Variants in NCAPG observed in about 807,000 individuals in gnomAD.
NCAPG encodes the protein non-SMC condensin I complex subunit G.
Under a neutral mutation model 113.1 loss-of-function variants are expected in NCAPG, and 69 were observed. The observed-to-expected ratio is 0.61, with a 90% CI of 0.50 to 0.75. The LOEUF is 0.75. Ranked by LOEUF, NCAPG falls within the 30% of genes least tolerant of loss-of-function variation. NCAPG has a pLI of 0.00. For synonymous variants in NCAPG, 370 were observed against 415.8 expected (o/e 0.89, Z 1.34); for missense variants, 1,058 against 1,177.0 (o/e 0.90, Z 1.48).
In NCAPG at chr4:17,843,825, A is replaced by G. The variant is rs1449282426; in HGVS notation, c.*400A>G. ...TCAACAAAGATGAAACCGCCTGAGG[A>G]CACATTTAACAAGTAACATTTCTAG... On this transcript the variant is annotated 3_prime_UTR_variant, in exon 21 of 21. Coordinates refer to ENST00000251496, the MANE Select transcript of NCAPG (RefSeq NM_022346.5). 6.5e-6 allele frequency: 1 copy of G among 154,646 alleles called. No homozygotes were observed. Among genetic ancestry groups the G allele is most frequent in the Non-Finnish European group, 1.4e-5 (1 of 69,494 alleles). 9.6% of individuals were successfully genotyped at this position (154,646 alleles called of 1,614,324 possible). A position where few individuals can be genotyped will look rare whatever the true frequency, so the allele number is the denominator to read the frequency against.
At chr4:17,842,602 T>TATC (rs1056181196) in intron 20 of NCAPG, 6 of 445,454 alleles carry the variant, frequency 1.3e-5, no homozygotes, top group African/African-American at 6.0e-5. Context: ...TCTTTAGTAC[T>TATC]ATCTTTAATA....
chr4:17,821,654 G>A (rs1421334083), intron 7 of NCAPG, among the ~76,000 whole-genome samples: 1 of 151,696 alleles, frequency 6.6e-6, no homozygotes, highest in Admixed American at 6.6e-5. Context: ...AGTAGAGATG[G>A]GGTTTTACCA....
At chr4:17,818,435 G>A (rs535141146) in intron 7 of NCAPG, among the ~76,000 whole-genome samples, 5 of 152,260 alleles carry the variant, frequency 3.3e-5, no homozygotes, top group East Asian at 3.9e-4. Flanking sequence ...GGGCCATACC[G>A]TCTGTCACAA....
At chr4:17,837,042 TA>T (rs1230731779) in intron 14 of NCAPG, 116 bp from the exon 15 acceptor site, 13 of 808,734 alleles carry the variant, frequency 1.6e-5, no homozygotes, top group African/African-American at 3.5e-5. Flanking sequence ...AAAGAATTTG[TA>T]ATAACTCGAA....
At position 17,828,181 on chromosome 4, in the gene NCAPG, G is replaced by C. The variant is rs116082646; in HGVS notation, c.1654-97G>C. 1,146 of 682,470 alleles carry C rather than the reference G, an allele frequency of 1.7e-3. 6 individuals carry two copies. The African/African-American group carries it at 0.017, about 10-fold the overall frequency. 42.3% of individuals were successfully genotyped at this position (682,470 alleles called of 1,614,324 possible). On this transcript the variant is annotated intron_variant, in intron 11 of 20. Transcript: ENST00000251496. ...TAAGATCACCTACAGAGTCTATATAGAGTGACAGTATGCCCTACACAAAGC... is the reference window on the plus strand; with the variant it reads ...TAAGATCACCTACAGAGTCTATATACAGTGACAGTATGCCCTACACAAAGC...
At chr4:17,834,796 T>C (rs549515659) in intron 14 of NCAPG, among the ~76,000 whole-genome samples, 1 of 152,264 alleles carries the variant, frequency 6.6e-6, no homozygotes, top group East Asian at 1.9e-4. Context: ...GCTCTTTATA[T>C]CTTATTTTTC....
At chr4:17,820,374 G>A (rs567081790) in intron 7 of NCAPG, among the ~76,000 whole-genome samples, 4 of 152,178 alleles carry the variant, frequency 2.6e-5, no homozygotes, top group South Asian at 2.1e-4. Context: ...GGCTGAGGCC[G>A]GTGGATCACG....
rs73242112 is a variant in NCAPG at position 17,821,839 on chromosome 4, C to T, written c.1119-1144C>T. Reference sequence around the variant, plus strand: ...TGTTACTTCCATCTTAAAGGCACTTCGCTGTCTAAGCTTCAATTCTTAGTT... The same window carrying T: ...TGTTACTTCCATCTTAAAGGCACTTTGCTGTCTAAGCTTCAATTCTTAGTT... On this transcript the variant is annotated intron_variant, in intron 7 of 20. Transcript: ENST00000251496. Among the ~76,000 whole-genome samples the T allele has an allele frequency of 9.5e-3, 1,443 of 152,166 alleles. 9 individuals carry two copies. Among genetic ancestry groups the T allele is most frequent in the Middle Eastern group, 0.027 (8 of 294 alleles).
chr4:17,824,211 A>G (rs1490321715), intron 9 of NCAPG, among the ~76,000 whole-genome samples: 3 of 152,162 alleles, frequency 2.0e-5, no homozygotes, highest in African/African-American at 4.8e-5. Context: ...TCATTTTTCA[A>G]TGAGGTATTG....
intron 14 of NCAPG, among the ~76,000 whole-genome samples, chr4:17,835,673 T>C (rs186078189): frequency 6.6e-6 from 1 of 152,188 alleles, no homozygotes; most frequent in Admixed American, 6.5e-5. Flanking sequence ...CCGCAGTCTG[T>C]TTCTATGGAT....
rs371728981 is a variant in NCAPG, at chr4:17,837,321, G to A, written c.2272G>A (p.Val758Met). The A allele has an allele frequency of 1.5e-5, 25 of 1,612,910 alleles. No individual in the cohort carries two copies. Among genetic ancestry groups the A allele is most frequent in the South Asian group, 2.2e-5 (2 of 90,862 alleles). ...ACATTGCCTAGGCGTGTTCTTCCCC[G>A]TGTTTGCTTATGCAAGCAGGTATTG... ...LRHCLGVFFP[V>M]FAYASRTNQE... Residue 758 changes from valine (V) to methionine (M), a missense_variant, in exon 15 of 21, where the codon GTG becomes ATG. Coordinates refer to ENST00000251496, the MANE Select transcript of NCAPG (RefSeq NM_022346.5).
At chr4:17,828,883 A>G (rs962774895) in intron 12 of NCAPG, among the ~76,000 whole-genome samples, 6 of 152,012 alleles carry the variant, frequency 3.9e-5, no homozygotes, top group Non-Finnish European at 7.4e-5. Context: ...TGCAAACCAT[A>G]TGTAACTTTA....
At chr4:17,834,636 A>G (rs955291269) in intron 14 of NCAPG, 113 bp downstream of exon 14, 21 of 691,952 alleles carry the variant, frequency 3.0e-5, no homozygotes, top group African/African-American at 3.0e-4. Flanking sequence ...CATGTGCAGA[A>G]CATACAGGTT....
At chr4:17,842,435 A>T in intron 20 of NCAPG, 56 bp downstream of exon 20, 1 of 1,421,976 alleles carries the variant, frequency 7.0e-7, no homozygotes, top group Non-Finnish European at 9.9e-7. Flanking sequence ...TTATTTCTAC[A>T]AGTAGAAAAA....
In NCAPG at chr4:17,812,221, A is replaced by G. The variant is rs769601686; in HGVS notation, c.112A>G (p.Met38Val). The G allele has an allele frequency of 5.6e-6, 9 of 1,610,148 alleles. No homozygotes were observed. The East Asian group carries it at 1.1e-4, about 20-fold the overall frequency. Residue 38 changes from methionine (M) to valine (V), a missense_variant and splice_region_variant, in exon 2 of 21, where the codon ATG (methionine) becomes GTG (valine). Met to Val is a conservative substitution (Grantham distance 21). Coordinates refer to ENST00000251496, the MANE Select transcript of NCAPG (RefSeq NM_022346.5). ...VVALSRTYRT[M>V]DDKTVFHEEF... is the part of the protein sequence containing the mutation. ...ATGAAGGGTTTCTTTTGTCTTTCAG[A>G]TGGATGATAAGACAGTTTTTCATGA...
In NCAPG at chr4:17,837,637, G is replaced by A. The variant is rs1722157189; in HGVS notation, c.2302G>A (p.Glu768Lys). The change falls in exon 16 of 21, where the codon GAA becomes AAA. Residue 768 changes from glutamate (E) to lysine (K), a missense_variant. By Grantham distance (56) the Glu-to-Lys change is moderately conservative. Transcript: ENST00000251496. ...TTTGTTTCTCAATAGGACTAATCAG[G>A]AATGCTTTGAAGAAGCTTTTCTTCC... The part of the protein sequence containing the change: ...VFAYASRTNQ[E>K]CFEEAFLPTL... The A allele has an allele frequency of 6.2e-7, 1 of 1,613,192 alleles. No homozygotes were observed. Among genetic ancestry groups the A allele is most frequent in the African/African-American group, 1.3e-5 (1 of 74,864 alleles).
chr4:17,833,025 G>T (rs1014024803), intron 13 of NCAPG, among the ~76,000 whole-genome samples: 9 of 151,972 alleles, frequency 5.9e-5, no homozygotes, highest in Admixed American at 5.2e-4. Context: ...ATATTTATTT[G>T]TTCTAAAAGC....
chr4:17,833,841 TAGA>T (rs1180362656), intron 13 of NCAPG, among the ~76,000 whole-genome samples: 1 of 152,160 alleles, frequency 6.6e-6, no homozygotes, highest in Non-Finnish European at 1.5e-5. Context: ...CTTGATAACC[TAGA>T]AGAATACTGT....
Position 17,810,997 on chromosome 4 carries a change from G to A in NCAPG, c.-81G>A. On this transcript the variant is annotated 5_prime_UTR_variant, in exon 1 of 21. Coordinates refer to ENST00000251496, the MANE Select transcript of NCAPG (RefSeq NM_022346.5). ...TGGGGCTGTCATAGAAGACTACTCG[G>A]AGAGCGCTGCCTCTGGGTTGGCGGG... 1 of 790,688 alleles carries A rather than the reference G, an allele frequency of 1.3e-6. No homozygotes were observed. The highest frequency in any genetic ancestry group is 3.6e-5 in the Admixed American group (1 of 27,480). 49.0% of individuals were successfully genotyped at this position (790,688 alleles called of 1,614,324 possible).
Sources: gnomAD v4.1 joint callset for allele counts (sites outside exome capture counted in the v4.1 genomes callset) on GRCh38, gnomAD v4.1.1 for gene constraint, MANE v1.5 for transcripts, NCBI Gene and HGNC (gene_info 2026-07-23, HGNC 2026-07-21) for gene names.